DIAPH2: variants seen among roughly 807,000 people sequenced by gnomAD.
DIAPH2 encodes diaphanous related formin 2.
DIAPH2 carries 35 observed loss-of-function variants against 92.7 expected under a neutral mutation model. The ratio of observed to expected loss-of-function variants is 0.38; its 90% CI spans 0.29 to 0.50. DIAPH2 has a LOEUF of 0.50. Among genes scored for constraint, DIAPH2 ranks in the 20% least tolerant of loss-of-function variants. DIAPH2 has a pLI of 0.94. For synonymous variants in DIAPH2, 301 were observed against 280.4 expected (o/e 1.07, Z -0.73); for missense variants, 701 against 819.5 (o/e 0.86, Z 1.77).
chrX:97,277,906 C>T (rs766630067), intron 23 of DIAPH2, among the ~76,000 whole-genome samples: 11 of 112,213 alleles, frequency 9.8e-5, no homozygotes, highest in Admixed American at 1.9e-4. Flanking sequence ...AGTGCAGGGG[C>T]GCGATCTCGG....
chrX:97,260,248 G>A (rs750406770), intron 23 of DIAPH2, among the ~76,000 whole-genome samples: 3 of 112,421 alleles, frequency 2.7e-5, no homozygotes, highest in Non-Finnish European at 5.6e-5. Context: ...ACACAGTGGT[G>A]AACAAAAAAG....
intron 22 of DIAPH2, among the ~76,000 whole-genome samples, chrX:97,161,409 G>GT (rs1319954732): frequency 9.2e-5 from 10 of 108,543 alleles, no homozygotes; most frequent in Non-Finnish European, 1.3e-4. Flanking sequence ...TGGGTTTTTT[G>GT]TTTTTTTTTC....
intron 22 of DIAPH2, among the ~76,000 whole-genome samples, chrX:97,222,759 A>G (rs928537753): frequency 1.8e-5 from 2 of 111,863 alleles, no homozygotes; most frequent in African/African-American, 6.5e-5. Context: ...TGCTAGTATA[A>G]TGTGACCCTT....
At chrX:97,300,963 AAAG>A (rs1428181854) in intron 23 of DIAPH2, among the ~76,000 whole-genome samples, 9,740 of 30,934 alleles carry the variant, frequency 0.31, 1,762 homozygotes, top group Non-Finnish European at 0.44. Flanking sequence ...AAAAAAAAAA[AAAG>A]AAGAAGAAGA....
intron 26 of DIAPH2, among the ~76,000 whole-genome samples, chrX:97,585,511 G>A (rs1158273255): frequency 1.8e-5 from 2 of 108,962 alleles, no homozygotes; most frequent in Non-Finnish European, 3.8e-5. Flanking sequence ...GAAGGAAACT[G>A]ATGTCCATAA....
In DIAPH2 at chrX:96,930,840, A is replaced by G; in HGVS notation, c.1086A>G (p.Leu362=). The part of the protein sequence containing the change: ...EFLRSGLKTM[L]PDLKEKENDE... ...TCCGTTCAGGACTAAAAACAATGTT[A>G]CCAGTAAGTTGAATGTATACATTTA... The change falls in exon 10 of 27, where the codon TTA becomes TTG. Residue 362 remains leucine, a synonymous_variant. Coordinates refer to ENST00000324765, the MANE Select transcript of DIAPH2 (RefSeq NM_006729.5). 8.5e-7 allele frequency: 1 copy of G among 1,177,724 alleles called. No homozygotes were observed.
intron 5 of DIAPH2, among the ~76,000 whole-genome samples, chrX:96,896,641 CTT>C (rs1020975632): frequency 1.8e-5 from 2 of 111,977 alleles, no homozygotes; most frequent in African/African-American, 3.2e-5. Flanking sequence ...AAAAGAGAGT[CTT>C]TGTTATTTTG....
intron 22 of DIAPH2, among the ~76,000 whole-genome samples, chrX:97,213,353 G>A (rs1343765703): frequency 9.0e-6 from 1 of 111,071 alleles, no homozygotes; most frequent in Non-Finnish European, 1.9e-5. Context: ...ATTCATCATA[G>A]CCTCTTAAAA....
chrX:97,356,546 C>G (rs1353481035), intron 24 of DIAPH2, among the ~76,000 whole-genome samples: 3 of 111,752 alleles, frequency 2.7e-5, no homozygotes, highest in Non-Finnish European at 5.6e-5. Context: ...TACCTCATTC[C>G]CCAGCTGTGC....
intron 9 of DIAPH2, 114 bp from the exon 10 acceptor site, chrX:96,930,619 G>T: frequency 8.6e-6 from 4 of 465,570 alleles, no homozygotes; most frequent in Non-Finnish European, 1.4e-5. Context: ...AGAAATATTT[G>T]CATTTCTTAT....
Position 97,076,011 on chromosome X carries a change from G to A in DIAPH2, c.2247+750G>A, listed in dbSNP as rs1351158085. Among the ~76,000 whole-genome samples the A allele has an allele frequency of 1.8e-5, 2 of 111,479 alleles. 1 individual carries two copies. The highest frequency in any genetic ancestry group is 1.9e-4 in the Admixed American group (2 of 10,504). ...TCTATTTTCTCATTTGAAATTACAG[G>A]GTCATTGTGAGGTTTTAACCAAATA... On this transcript the variant is annotated intron_variant, in intron 19 of 26. Coordinates refer to ENST00000324765, the MANE Select transcript of DIAPH2 (RefSeq NM_006729.5).
chrX:96,860,177 T>C (rs757885086), intron 4 of DIAPH2, among the ~76,000 whole-genome samples: 1 of 111,927 alleles, frequency 8.9e-6, no homozygotes, highest in African/African-American at 3.2e-5. Flanking sequence ...ATTTACAACT[T>C]TGAATAAATA....
At chrX:96,796,168 T>TTTTAG (rs2064537687) in intron 4 of DIAPH2, among the ~76,000 whole-genome samples, 1 of 111,866 alleles carries the variant, frequency 8.9e-6, no homozygotes, top group African/African-American at 3.2e-5. Flanking sequence ...ATTTTTTTAT[T>TTTTAG]TTTAGTTTTG....
intron 18 of DIAPH2, 26 bp downstream of exon 18, chrX:97,073,068 T>C (rs1295617367): frequency 1.9e-6 from 2 of 1,044,755 alleles, no homozygotes; most frequent in Non-Finnish European, 2.6e-6. Context: ...TTCGTAGGAT[T>C]GGTATAGGTA....
Position 97,297,604 on chromosome X carries a change from C to CTT in DIAPH2, c.2844+49783_2844+49784dup, listed in dbSNP as rs11356320. 1.8e-3 allele frequency among the ~76,000 whole-genome samples: 131 copies of CTT among 72,910 alleles called. 1 individual carries two copies. Among genetic ancestry groups the CTT allele is most frequent in the African/African-American group, 6.1e-3 (121 of 19,978 alleles). The allele number at this position is 72,910 out of a possible 115,157, so 63.3% of individuals were successfully genotyped here. A position where few individuals can be genotyped will look rare whatever the true frequency, so the allele number is the denominator to read the frequency against. On this transcript the variant is annotated intron_variant, in intron 23 of 26. Coordinates refer to ENST00000324765, the MANE Select transcript of DIAPH2 (RefSeq NM_006729.5). ...TATTTTAGTGTTAATTTTTAGTGCA[C>CTT]TTTTTTTTTTTTTTTTTTTCAGTGT...
intron 26 of DIAPH2, among the ~76,000 whole-genome samples, chrX:97,509,506 G>T (rs2070866989): frequency 6.8e-5 from 2 of 29,536 alleles, no homozygotes; most frequent in African/African-American, 1.3e-4. Flanking sequence ...TTTACTATTA[G>T]GAACTTTTAT....
chrX:97,520,920 C>T (rs1249935481), intron 26 of DIAPH2, among the ~76,000 whole-genome samples: 1 of 112,237 alleles, frequency 8.9e-6, no homozygotes, highest in Non-Finnish European at 1.9e-5. Flanking sequence ...CACTTTCATA[C>T]TGCCTTTGTG....
In DIAPH2 at chrX:97,214,363, G is replaced by A. The variant is rs1396947712; in HGVS notation, c.2720-33352G>A. Among the ~76,000 whole-genome samples the A allele has an allele frequency of 5.4e-5, 6 of 110,936 alleles. No individual in the cohort carries two copies. The East Asian group carries it at 1.4e-3, about 26-fold the overall frequency. On this transcript the variant is annotated intron_variant, in intron 22 of 26. Coordinates refer to ENST00000324765, the MANE Select transcript of DIAPH2 (RefSeq NM_006729.5). ...ACGCACCTCTACTCCCACCTACTCA[G>A]GAGGCTAAGGCAGGAAGACTGCCTG...
Position 96,685,055 on chromosome X carries a change from A to G in DIAPH2, c.-4A>G. The G allele has an allele frequency of 2.0e-6, 2 of 998,218 alleles. No homozygotes were observed. The highest frequency in any genetic ancestry group is 4.1e-5 in the East Asian group (1 of 24,386). The allele number at this position is 998,218 out of a possible 1,213,427, so 82.3% of individuals were successfully genotyped here. On this transcript the variant is annotated 5_prime_UTR_variant, in exon 1 of 27. Coordinates refer to ENST00000324765, the MANE Select transcript of DIAPH2 (RefSeq NM_006729.5). ...CAGGGCACAGGTGACAGGGCCGGAG[A>G]AAGATGGAGCAGCCCGGGGCGGCGG... is the stretch of plus-strand genomic sequence containing the variant.
Sources: gnomAD v4.1 joint callset for allele counts (sites outside exome capture counted in the v4.1 genomes callset) on GRCh38, gnomAD v4.1.1 for gene constraint, MANE v1.5 for transcripts, NCBI Gene and HGNC (gene_info 2026-07-23, HGNC 2026-07-21) for gene names.